The following PHF21A variants were observed in gnomAD, a reference collection of about 807,000 sequenced individuals.
PHF21A encodes PHD finger protein 21A, also known as BHC80a.
A neutral mutation model predicts 82.5 loss-of-function variants in PHF21A; 11 were observed. The observed-to-expected ratio is 0.13, with a 90% confidence interval of 0.08 to 0.22. PHF21A has a LOEUF of 0.22. PHF21A is among the 10% of genes least tolerant of loss of function. The pLI is 1.00. For missense variants in PHF21A, 579 were observed against 837.8 expected, an observed-to-expected ratio of 0.69 and a Z score of 3.81; for synonymous variants, 297 against 302.8, an observed-to-expected ratio of 0.98 and a Z score of 0.20.
At chr11:46,020,577 A>C (rs923075861) in intron 6 of PHF21A, among the ~76,000 whole-genome samples, 10 of 152,192 alleles carry the variant, frequency 6.6e-5, no homozygotes, top group African/African-American at 2.4e-4. Context: ...ATGATCTAGA[A>C]TATAAAATAC....
intron 3 of PHF21A, among the ~76,000 whole-genome samples, chr11:46,086,858 T>C (rs1237564760): frequency 6.6e-6 from 1 of 152,210 alleles, no homozygotes; most frequent in Non-Finnish European, 1.5e-5. Flanking sequence ...AACAAAGGGC[T>C]AATACAGTTT....
intron 14 of PHF21A, among the ~76,000 whole-genome samples, chr11:45,948,513 T>C (rs1448074870): frequency 6.6e-6 from 1 of 152,230 alleles, no homozygotes; most frequent in Non-Finnish European, 1.5e-5. Context: ...ACCAAGACGC[T>C]ATTAGGAACA....
At position 45,969,823 on chromosome 11, in the gene PHF21A, G is replaced by C. The variant is rs755097066; in HGVS notation, c.694C>G (p.Leu232Val). 82 of 1,609,808 alleles carry C rather than the reference G, an allele frequency of 5.1e-5. No individual in the cohort carries two copies. The highest frequency in any genetic ancestry group is 6.4e-5 in the Non-Finnish European group (75 of 1,176,214). Reference sequence around the variant, plus strand: ...GTCATTGGTTTACTCACCTGTGGAAGAAAGTTTGGACGTGGAGTGAGTCTA... The same window carrying C: ...GTCATTGGTTTACTCACCTGTGGAACAAAGTTTGGACGTGGAGTGAGTCTA... ...PPRLTPRPNF[L>V]PQVRPKPVAQ... The change falls in exon 9 of 19, where the codon CTT becomes GTT. Residue 232 changes from leucine (L) to valine (V), a missense_variant. Leu to Val is a conservative substitution (Grantham distance 32). Transcript: ENST00000676320.
At chr11:46,041,147 T>C (rs2096131474) in intron 6 of PHF21A, among the ~76,000 whole-genome samples, 1 of 152,204 alleles carries the variant, frequency 6.6e-6, no homozygotes, top group South Asian at 2.1e-4. Context: ...TTATTCTCTC[T>C]TTCCCCATAG....
At chr11:46,103,054 G>A (rs940084080) in intron 1 of PHF21A, among the ~76,000 whole-genome samples, 3 of 152,130 alleles carry the variant, frequency 2.0e-5, no homozygotes, top group Admixed American at 2.0e-4. Context: ...CTACACAGGA[G>A]CACCACCGGC....
At chr11:46,074,051 T>G (rs1003880447) in intron 6 of PHF21A, among the ~76,000 whole-genome samples, 4 of 151,792 alleles carry the variant, frequency 2.6e-5, no homozygotes, top group Non-Finnish European at 4.4e-5. Context: ...AAGATTGAAG[T>G]GGCAACAGTG....
At position 46,027,501 on chromosome 11, in the gene PHF21A, C is replaced by T. The variant is rs931397642; in HGVS notation, c.154-47535G>A. Among the ~76,000 whole-genome samples, 8 of 152,236 alleles carry T rather than the reference C, an allele frequency of 5.3e-5. No individual in the cohort carries two copies. The East Asian group carries it at 1.5e-3, about 29-fold the overall frequency. On this transcript the variant is annotated intron_variant, in intron 6 of 18. Coordinates refer to ENST00000676320, the MANE Select transcript of PHF21A (RefSeq NM_001352027.3). ...TGGGATGGGAAAACAGTACTACCTA[C>T]ACCTGAATGCAGATGCCTGCACAGG...
Position 45,935,745 on chromosome 11 carries a change from A to T in PHF21A, c.1685-6T>A. ...CTGTTTCTCTTCTTCTTTTGCTAAA[A>T]AAAAAAAAAAAAAAAAAAAGGAACG... is the stretch of plus-strand genomic sequence containing the variant. On this transcript the variant is annotated splice_region_variant and splice_polypyrimidine_tract_variant and intron_variant, in intron 17 of 18. Coordinates refer to ENST00000676320, the MANE Select transcript of PHF21A (RefSeq NM_001352027.3). 7.4e-6 allele frequency: 4 copies of T among 543,012 alleles called. No homozygotes were observed. Among genetic ancestry groups the T allele is most frequent in the Non-Finnish European group, 8.6e-6 (3 of 350,746 alleles). 33.6% of individuals were successfully genotyped at this position (543,012 alleles called of 1,614,324 possible).
chr11:46,040,752 C>A (rs2096117764), intron 6 of PHF21A, among the ~76,000 whole-genome samples: 1 of 152,032 alleles, frequency 6.6e-6, no homozygotes, highest in Non-Finnish European at 1.5e-5. Flanking sequence ...AATTTAAATA[C>A]CACTGCAATT....
chr11:46,078,083 T>C (rs2096748459), intron 5 of PHF21A, among the ~76,000 whole-genome samples: 1 of 152,036 alleles, frequency 6.6e-6, no homozygotes, highest in African/African-American at 2.4e-5. Flanking sequence ...TGGCTAATTT[T>C]TGTATCTAAA....
rs1041897030 is a variant in PHF21A, at chr11:45,984,694, T to C, written c.154-4728A>G. On this transcript the variant is annotated intron_variant, in intron 6 of 18. Transcript: ENST00000676320. ...CCCAATCAACCCACCAGTTTATTCCTATCAAAAATTGCTCCCACAAATTTT... is the reference window on the plus strand; with the variant it reads ...CCCAATCAACCCACCAGTTTATTCCCATCAAAAATTGCTCCCACAAATTTT... Among the ~76,000 whole-genome samples the C allele has an allele frequency of 5.3e-5, 8 of 152,312 alleles. No individual in the cohort carries two copies. In the South Asian group the frequency reaches 6.2e-4, roughly 12 times the overall value.
intron 6 of PHF21A, among the ~76,000 whole-genome samples, chr11:46,059,156 C>T (rs2096499049): frequency 6.6e-6 from 1 of 151,962 alleles, no homozygotes; most frequent in South Asian, 2.1e-4. Context: ...AGGAAATAAT[C>T]AAAATTACGT....
At chr11:46,058,454 T>C (rs1274104946) in intron 6 of PHF21A, among the ~76,000 whole-genome samples, 1 of 152,208 alleles carries the variant, frequency 6.6e-6, no homozygotes, top group African/African-American at 2.4e-5. Flanking sequence ...GTAGGACTGA[T>C]ATATTCTCAG....
At chr11:46,006,332 T>C (rs571433791) in intron 6 of PHF21A, among the ~76,000 whole-genome samples, 1 of 152,260 alleles carries the variant, frequency 6.6e-6, no homozygotes, top group African/African-American at 2.4e-5. Context: ...TCTTAATCTT[T>C]CGGTTGTATA....
chr11:45,977,682 C>T (rs919270264), intron 7 of PHF21A, among the ~76,000 whole-genome samples: 1 of 152,156 alleles, frequency 6.6e-6, no homozygotes. Flanking sequence ...TTTTTAAAGT[C>T]AGTTTTGAAT....
chr11:46,013,296 G>A (rs1220262975), intron 6 of PHF21A, among the ~76,000 whole-genome samples: 5 of 152,210 alleles, frequency 3.3e-5, no homozygotes, highest in East Asian at 1.9e-4. Context: ...GTAGCCTGAC[G>A]AAATCTCTCC....
At chr11:46,036,833 T>C (rs1401187785) in intron 6 of PHF21A, among the ~76,000 whole-genome samples, 1 of 152,238 alleles carries the variant, frequency 6.6e-6, no homozygotes, top group Non-Finnish European at 1.5e-5. Flanking sequence ...CTGCAAATAA[T>C]GATGATATAC....
intron 6 of PHF21A, among the ~76,000 whole-genome samples, chr11:45,984,278 A>G (rs1401421): frequency 0.88 from 133,874 of 152,234 alleles, 59,088 homozygotes; most frequent in East Asian, 1. Flanking sequence ...ATAAGCCAAC[A>G]TGCCAGGCCT....
At chr11:46,084,040 C>A (rs899745868) in intron 4 of PHF21A, 126 bp downstream of exon 4, 3 of 634,646 alleles carry the variant, frequency 4.7e-6, no homozygotes, top group Non-Finnish European at 5.1e-6. Context: ...AGGCAAACGA[C>A]ATGACTCTTG....
Sources: gnomAD v4.1 joint callset for allele counts (sites outside exome capture counted in the v4.1 genomes callset) on GRCh38, gnomAD v4.1.1 for gene constraint, MANE v1.5 for transcripts, NCBI Gene and HGNC (gene_info 2026-07-23, HGNC 2026-07-21) for gene names.